ZBTB7A: variants seen among roughly 807,000 people sequenced by gnomAD.
ZBTB7A encodes zinc finger and BTB domain containing 7A, also known as zinc finger and BTB domain-containing protein 7A.
Under a neutral mutation model 26.7 loss-of-function variants are expected in ZBTB7A, and 7 were observed. The ratio of observed to expected loss-of-function variants is 0.26; its 90% confidence interval spans 0.15 to 0.49. ZBTB7A has a LOEUF of 0.49. ZBTB7A is among the 20% of genes least tolerant of loss of function. ZBTB7A has a pLI of 0.98. For synonymous variants in ZBTB7A, 452 were observed against 441.0 expected, an observed-to-expected ratio of 1.02 and a Z score of -0.31; for missense variants, 617 against 919.5, an observed-to-expected ratio of 0.67 and a Z score of 4.25.
intron 1 of ZBTB7A, among the ~76,000 whole-genome samples, chr19:4,059,015 A>C (rs977167492): frequency 6.6e-6 from 1 of 152,098 alleles, no homozygotes; most frequent in East Asian, 1.9e-4. Context: ...GACCCCACCC[A>C]AGGCTCGGCC....
intron 1 of ZBTB7A, among the ~76,000 whole-genome samples, chr19:4,057,025 T>TG (rs1236008555): frequency 9.4e-6 from 1 of 106,310 alleles, no homozygotes; most frequent in Non-Finnish European, 1.8e-5. Context: ...AGACTCGGTC[T>TG]GAAAAAAAAA....
At position 4,043,938 on chromosome 19, in the gene ZBTB7A, A is replaced by AG. The variant is rs999379770; in HGVS notation, c.*3813dup. On this transcript the variant is annotated 3_prime_UTR_variant, in exon 3 of 3. Transcript: ENST00000322357. ...TAAATATCTTTCTTTCTCAAAAAAT[A>AG]GGATTTTTGCTTTTTTTGTTGGTTT... is the stretch of plus-strand genomic sequence containing the variant. 1.2e-4 allele frequency among the ~76,000 whole-genome samples: 18 copies of AG among 150,990 alleles called. No individual in the cohort carries two copies. Among genetic ancestry groups the AG allele is most frequent in the African/African-American group, 3.9e-4 (16 of 40,904 alleles).
At chr19:4,051,159 A>T (rs1397287674) in intron 2 of ZBTB7A, among the ~76,000 whole-genome samples, 1 of 150,124 alleles carries the variant, frequency 6.7e-6, no homozygotes, top group Non-Finnish European at 1.5e-5. Flanking sequence ...GAGTGATGCC[A>T]ATCTATAGTA....
At chr19:4,060,588 T>A (rs2040628506) in intron 1 of ZBTB7A, among the ~76,000 whole-genome samples, 1 of 152,174 alleles carries the variant, frequency 6.6e-6, no homozygotes, top group African/African-American at 2.4e-5. Context: ...GGAAGCACCC[T>A]GACGTGGCTC....
chr19:4,048,921 T>C lies in ZBTB7A; in HGVS notation c.1263-677A>G, dbSNP rs2040459943. Among the ~76,000 whole-genome samples the C allele has an allele frequency of 6.8e-6, 1 of 146,184 alleles. No homozygotes were observed. The highest frequency in any genetic ancestry group is 2.2e-4 in the South Asian group (1 of 4,642). On this transcript the variant is annotated intron_variant, in intron 2 of 2. Transcript: ENST00000322357. This position sits in a 1 kb window ranked among gnomAD's most constrained non-coding sequence, Gnocchi z 6.7. ...GCTACTTGGGAGGTGGAGGTTGCAG[T>C]GAGCCCAGATCACGCCACTGCCCTC...
chr19:4,048,780 G>C lies in ZBTB7A; in HGVS notation c.1263-536C>G, dbSNP rs1195390176. Among the ~76,000 whole-genome samples the C allele has an allele frequency of 2.0e-5, 3 of 151,920 alleles. No homozygotes were observed. The highest frequency in any genetic ancestry group is 4.4e-5 in the Non-Finnish European group (3 of 67,974). ...AGGCAGGAGGATCACTTGTATCTGG[G>C]AGGTGGAGGTTGCAGTGAAACTCCG... is the stretch of plus-strand genomic sequence containing the variant. On this transcript the variant is annotated intron_variant, in intron 2 of 2. Coordinates refer to ENST00000322357, the MANE Select transcript of ZBTB7A (RefSeq NM_015898.4). The surrounding 1 kb of genome is among the most constrained non-coding windows in gnomAD (Gnocchi z 6.7).
Position 4,049,168 on chromosome 19 carries a change from G to GTGTATATA in ZBTB7A, c.1263-925_1263-924insTATATACA, listed in dbSNP as rs1403864466. Among the ~76,000 whole-genome samples the GTGTATATA allele has an allele frequency of 8.2e-3, 122 of 14,938 alleles. 2 individuals are homozygous for GTGTATATA. Among genetic ancestry groups the GTGTATATA allele is most frequent in the Non-Finnish European group, 0.011 (98 of 8,668 alleles). The allele number at this position is 14,938 out of a possible 152,430, so 9.8% of individuals were successfully genotyped here. On this transcript the variant is annotated intron_variant, in intron 2 of 2. Coordinates refer to ENST00000322357, the MANE Select transcript of ZBTB7A (RefSeq NM_015898.4). ...ACTATATGTGTGTGTGTGTGTGTGT[G>GTGTATATA]TATATATATATATATATATATATAT...
chr19:4,065,111 C>G (rs186343831), intron 1 of ZBTB7A, among the ~76,000 whole-genome samples: 27 of 151,840 alleles, frequency 1.8e-4, no homozygotes, highest in African/African-American at 2.7e-4. Context: ...CCAGCTCCCC[C>G]CTCCCCTGCC....
chr19:4,048,816 A>C lies in ZBTB7A; in HGVS notation c.1263-572T>G, dbSNP rs1046311501. On this transcript the variant is annotated intron_variant, in intron 2 of 2. Coordinates refer to ENST00000322357, the MANE Select transcript of ZBTB7A (RefSeq NM_015898.4). The surrounding 1 kb of genome is among the most constrained non-coding windows in gnomAD (Gnocchi z 6.7). ...TGCAGTGAAACTCCGTCTCAAAAAA[A>C]AAAATTTCACTTTTTAAGAGCGAAA... Among the ~76,000 whole-genome samples, 15 of 151,786 alleles carry C rather than the reference A, an allele frequency of 9.9e-5. No homozygotes were observed. Among genetic ancestry groups the C allele is most frequent in the African/African-American group, 3.6e-4 (15 of 41,382 alleles).
At position 4,044,668 on chromosome 19, in the gene ZBTB7A, TTTC is replaced by T. The variant is rs955348899; in HGVS notation, c.*3081_*3083del. 13 of 20,908 alleles carry T rather than the reference TTTC, an allele frequency of 6.2e-4. No homozygotes were observed. Among genetic ancestry groups the T allele is most frequent in the African/African-American group, 1.9e-3 (8 of 4,106 alleles). The allele number at this position is 20,908 out of a possible 1,614,324, so 1.3% of individuals were successfully genotyped here. A position where few individuals can be genotyped will look rare whatever the true frequency, so the allele number is the denominator to read the frequency against. ...ATGGAAATAACAATTTCGCATTGTT[TTTC>T]TTTTTTTTTTTTCTCTTTTTTTTTT... On this transcript the variant is annotated 3_prime_UTR_variant, in exon 3 of 3. Coordinates refer to ENST00000322357, the MANE Select transcript of ZBTB7A (RefSeq NM_015898.4).
rs2040440623 is a variant in ZBTB7A, at chr19:4,047,762, C to G, written c.1745G>C (p.Gly582Ala). 1 of 1,598,636 alleles carries G rather than the reference C, an allele frequency of 6.3e-7. No homozygotes were observed. Among genetic ancestry groups the G allele is most frequent in the South Asian group, 1.1e-5 (1 of 89,296 alleles). ...TTCTCTTTTTGGTTTTTAGGCGAGT[C>G]CGGCTGTGAAGTTACCGTCGGTGGC... ...GAATDGNFTA[G>A]LA Residue 582 changes from glycine (G) to alanine (A), a missense_variant, in exon 3 of 3, where the codon GGA becomes GCA. By Grantham distance (60) the Gly-to-Ala change is moderately conservative. This residue lies in a region of ZBTB7A where 136 missense variants were observed against 126.6 expected (regional missense o/e 1.07). Transcript: ENST00000322357.
rs530313466 is a variant in ZBTB7A at position 4,059,382 on chromosome 19, G to A, written c.-15-4135C>T. On this transcript the variant is annotated intron_variant, in intron 1 of 2. Transcript: ENST00000322357. ...AAGATCCCAGTTCCAGGTTGGGTCC[G>A]GGGGTCCCAGTCTCTGCCCTCTCCA... Among the ~76,000 whole-genome samples the A allele has an allele frequency of 9.2e-5, 14 of 152,234 alleles. No homozygotes were observed. In the South Asian group the frequency reaches 1.2e-3, roughly 14 times the overall value.
chr19:4,046,311 G>A lies in ZBTB7A; in HGVS notation c.*1441C>T, dbSNP rs1026322464. The A allele has an allele frequency of 3.2e-5, 12 of 377,370 alleles. No homozygotes were observed. Among genetic ancestry groups the A allele is most frequent in the Non-Finnish European group, 5.2e-5 (11 of 213,522 alleles). The allele number at this position is 377,370 out of a possible 1,614,324, so 23.4% of individuals were successfully genotyped here. A position where few individuals can be genotyped will look rare whatever the true frequency, so the allele number is the denominator to read the frequency against. ...CTGAACCCCCCTTCTCGCTTTTTGGGGAACAGAAGTGGATTCTACGTTTGT... is the reference window on the plus strand; with the variant it reads ...CTGAACCCCCCTTCTCGCTTTTTGGAGAACAGAAGTGGATTCTACGTTTGT... On this transcript the variant is annotated 3_prime_UTR_variant, in exon 3 of 3. Coordinates refer to ENST00000322357, the MANE Select transcript of ZBTB7A (RefSeq NM_015898.4).
chr19:4,048,064 C>T lies in ZBTB7A; in HGVS notation c.1443G>A (p.Leu481=), dbSNP rs747911528. The T allele has an allele frequency of 6.2e-7, 1 of 1,600,524 alleles. No homozygotes were observed. Among genetic ancestry groups the T allele is most frequent in the South Asian group, 1.1e-5 (1 of 89,368 alleles). Residue 481 remains leucine (L), a synonymous_variant, in exon 3 of 3, where the codon CTG becomes CTA. Coordinates refer to ENST00000322357, the MANE Select transcript of ZBTB7A (RefSeq NM_015898.4). The surrounding 1 kb of genome is among the most constrained non-coding windows in gnomAD (Gnocchi z 6.7). ...CCKTFVRSDH[L]HRHLKKDGCN... ...AGCCGTCTTTCTTGAGGTGTCTGTGCAGGTGGTCGGAGCGGACGAAGGTCT... is the reference window on the plus strand; with the variant it reads ...AGCCGTCTTTCTTGAGGTGTCTGTGTAGGTGGTCGGAGCGGACGAAGGTCT...
intron 2 of ZBTB7A, among the ~76,000 whole-genome samples, chr19:4,051,139 T>C (rs2040500935): frequency 7.1e-6 from 1 of 140,608 alleles, no homozygotes; most frequent in South Asian, 2.3e-4. Context: ...GTGTCTTGCC[T>C]ATTCCCATTG....
chr19:4,064,877 C>T (rs1302755695), intron 1 of ZBTB7A, among the ~76,000 whole-genome samples: 6 of 152,082 alleles, frequency 3.9e-5, no homozygotes, highest in Non-Finnish European at 7.4e-5. Flanking sequence ...TTAGTGGGCG[C>T]CGACTGGGTG....
chr19:4,064,459 C>T (rs949114963), intron 1 of ZBTB7A, among the ~76,000 whole-genome samples: 4 of 152,254 alleles, frequency 2.6e-5, no homozygotes, highest in Admixed American at 6.5e-5. Context: ...GCCTGAAGCC[C>T]TCAGGCCCTG....
rs1322388172 is a variant in ZBTB7A at position 4,052,567 on chromosome 19, A to C, written c.1262+1404T>G. Among the ~76,000 whole-genome samples, 2 of 151,658 alleles carry C rather than the reference A, an allele frequency of 1.3e-5. No homozygotes were observed. The highest frequency in any genetic ancestry group is 2.9e-5 in the Non-Finnish European group (2 of 67,884). On this transcript the variant is annotated intron_variant, in intron 2 of 2. Transcript: ENST00000322357. This position sits in a 1 kb window ranked among gnomAD's most constrained non-coding sequence, Gnocchi z 4.9. The stretch of plus-strand genomic sequence containing the variant: ...CACGGGGTGGGGTTGGGAAGCTGGG[A>C]CAATGGCCTCTTTCTTCAGCCTCGG...
chr19:4,063,539 G>A (rs1036402448), intron 1 of ZBTB7A, among the ~76,000 whole-genome samples: 1 of 152,190 alleles, frequency 6.6e-6, no homozygotes, highest in Non-Finnish European at 1.5e-5. Context: ...GCTGTGGCTC[G>A]TGCTGTGTGA....
Sources: allele counts gnomAD v4.1 joint callset (sites outside exome capture counted in the v4.1 genomes callset), GRCh38; gene constraint gnomAD v4.1.1; regional missense constraint gnomAD v4.1.1; non-coding constraint Gnocchi (gnomAD v3.1); transcripts MANE v1.5; gene names NCBI Gene and HGNC (gene_info 2026-07-23, HGNC 2026-07-21).